PMEPA1: variants seen among roughly 807,000 people sequenced by gnomAD.
PMEPA1 encodes prostate transmembrane protein, androgen induced 1.
A neutral mutation model predicts 23.0 loss-of-function variants in PMEPA1; 11 were observed. The observed-to-expected ratio is 0.48, with a 90% CI of 0.30 to 0.79. PMEPA1 has a LOEUF of 0.79. Ranked by LOEUF, PMEPA1 falls within the 30% of genes least tolerant of loss-of-function variation. The pLI, the probability that PMEPA1 is intolerant of heterozygous loss-of-function variation, is 0.06. For synonymous variants in PMEPA1, 204 were observed against 166.4 expected (o/e 1.23, Z -1.74); for missense variants, 377 against 390.9 (o/e 0.96, Z 0.30).
intron 1 of PMEPA1, among the ~76,000 whole-genome samples, chr20:57,679,116 G>A (rs1422026628): frequency 6.6e-6 from 1 of 152,194 alleles, no homozygotes; most frequent in Admixed American, 6.5e-5. Context: ...TGAGCACCTA[G>A]GAGCGGGGAC....
chr20:57,669,784 A>C (rs997331202), intron 1 of PMEPA1, among the ~76,000 whole-genome samples: 1 of 152,112 alleles, frequency 6.6e-6, no homozygotes, highest in African/African-American at 2.4e-5. Context: ...TCGAGGAGGG[A>C]CCACAGACAC....
At chr20:57,675,685 G>A (rs1045334038) in intron 1 of PMEPA1, among the ~76,000 whole-genome samples, 2 of 152,226 alleles carry the variant, frequency 1.3e-5, no homozygotes, top group African/African-American at 2.4e-5. Flanking sequence ...AGCTCAGATG[G>A]GAAGGGCGAC....
At chr20:57,663,563 C>A (rs2071452695) in intron 1 of PMEPA1, among the ~76,000 whole-genome samples, 1 of 152,236 alleles carries the variant, frequency 6.6e-6, no homozygotes, top group Non-Finnish European at 1.5e-5. Context: ...CCAAACCCAT[C>A]CACCCTCAAA....
chr20:57,710,431 A>T (rs754229892), upstream of PMEPA1: 4 of 1,598,460 alleles, frequency 2.5e-6, no homozygotes, highest in Middle Eastern at 1.7e-4. Context: ...AATTGGAGAA[A>T]GGGGGAGGAA....
In PMEPA1 at chr20:57,709,709, G is replaced by A. The variant is rs1401782619; in HGVS notation, c.-127C>T. 8.2e-6 allele frequency: 8 copies of A among 977,950 alleles called. No homozygotes were observed. The highest frequency in any genetic ancestry group is 9.7e-6 in the Non-Finnish European group (8 of 826,972). The allele number at this position is 977,950 out of a possible 1,614,324, so 60.6% of individuals were successfully genotyped here. Reference sequence around the variant, plus strand: ...CGGCGGGGGAGGCGCGCCCCGGCTCGCCGGGCTCGGGTCGCCGCCAAGTTC... The same window carrying A: ...CGGCGGGGGAGGCGCGCCCCGGCTCACCGGGCTCGGGTCGCCGCCAAGTTC... On this transcript the variant is annotated 5_prime_UTR_variant, in exon 1 of 4. Transcript: ENST00000341744.
chr20:57,679,919 CAG>C (rs1487653932), intron 1 of PMEPA1, among the ~76,000 whole-genome samples: 12 of 152,318 alleles, frequency 7.9e-5, no homozygotes, highest in African/African-American at 2.9e-4. Context: ...CCCAGAGACA[CAG>C]AGCAACCGTG....
intron 1 of PMEPA1, among the ~76,000 whole-genome samples, chr20:57,679,458 T>C (rs1341531519): frequency 6.6e-6 from 1 of 152,184 alleles, no homozygotes; most frequent in Non-Finnish European, 1.5e-5. Context: ...AGTGTGACTC[T>C]CCAAACACGG....
In PMEPA1 at chr20:57,650,443, T is replaced by C; in HGVS notation, c.*1610A>G. 6.6e-6 allele frequency: 1 copy of C among 152,244 alleles called. No homozygotes were observed. Among genetic ancestry groups the C allele is most frequent in the Non-Finnish European group, 1.5e-5 (1 of 68,020 alleles). 9.4% of individuals were successfully genotyped at this position (152,244 alleles called of 1,614,324 possible). The stretch of plus-strand genomic sequence containing the variant: ...CAAAGCCCCACCCCTCATGCTCTCC[T>C]CTGGTCACCTCTATTTACGCTCACA... On this transcript the variant is annotated 3_prime_UTR_variant, in exon 4 of 4. Transcript: ENST00000341744.
At chr20:57,710,110 C>A (rs548504282), upstream of PMEPA1, 2 of 871,102 alleles carry the variant, frequency 2.3e-6, no homozygotes, top group Non-Finnish European at 2.8e-6. Flanking sequence ...CCCGCACCCC[C>A]TCCCCGAGCC....
chr20:57,701,268 C>T (rs1291298243), intron 1 of PMEPA1, among the ~76,000 whole-genome samples: 5 of 152,146 alleles, frequency 3.3e-5, no homozygotes, highest in Admixed American at 2.6e-4. Flanking sequence ...AGCTGCTTAG[C>T]TCGGTCCAGC....
intron 1 of PMEPA1, among the ~76,000 whole-genome samples, chr20:57,670,412 G>T (rs1056543202): frequency 2.8e-4 from 43 of 152,090 alleles, no homozygotes; most frequent in African/African-American, 9.9e-4. Flanking sequence ...ACTCATGCCC[G>T]CTGTCTAGAG....
chr20:57,659,798 G>A (rs1365482146), intron 1 of PMEPA1, 101 bp from the exon 2 acceptor site: 2 of 1,112,288 alleles, frequency 1.8e-6, no homozygotes, highest in Non-Finnish European at 2.6e-6. Context: ...AGGGGGACGA[G>A]AGTGCAACCC....
chr20:57,708,084 C>T (rs553183247), intron 1 of PMEPA1, among the ~76,000 whole-genome samples: 7 of 152,148 alleles, frequency 4.6e-5, no homozygotes, highest in South Asian at 2.1e-4. Flanking sequence ...CACCAAAGCC[C>T]GGCCAGCCTG....
chr20:57,655,501 G>C lies in PMEPA1; in HGVS notation c.265-2415C>G, dbSNP rs1268490506. 6.6e-6 allele frequency among the ~76,000 whole-genome samples: 1 copy of C among 152,334 alleles called. No homozygotes were observed. The highest frequency in any genetic ancestry group is 2.1e-4 in the South Asian group (1 of 4,824). Reference sequence around the variant, plus strand: ...TGCTACTTAAGTGCGGAAGTTGCTGGGTGACCCGTGCAAGTCATCTTTGTG... The same window carrying C: ...TGCTACTTAAGTGCGGAAGTTGCTGCGTGACCCGTGCAAGTCATCTTTGTG... On this transcript the variant is annotated intron_variant, in intron 2 of 3. Transcript: ENST00000341744. The surrounding 1 kb of genome is among the most constrained non-coding windows in gnomAD (Gnocchi z 4.2).
chr20:57,701,023 C>T (rs2072003936), intron 1 of PMEPA1, among the ~76,000 whole-genome samples: 2 of 150,504 alleles, frequency 1.3e-5, no homozygotes, highest in African/African-American at 2.5e-5. Flanking sequence ...GAGCAAGACT[C>T]CATTTCAAAA....
Position 57,709,994 on chromosome 20 carries a change from G to A in PMEPA1, c.-412C>T, listed in dbSNP as rs1193205355. On this transcript the variant is annotated 5_prime_UTR_variant, in exon 1 of 4. Transcript: ENST00000341744. ...CGGGTTTCGCTCCGAGACCGCGGTC[G>A]GAGGCAGGCAGACGGTCTGACGTCA... 2.0e-6 allele frequency: 2 copies of A among 991,410 alleles called. No homozygotes were observed. The highest frequency in any genetic ancestry group is 2.4e-6 in the Non-Finnish European group (2 of 834,046). 61.4% of individuals were successfully genotyped at this position (991,410 alleles called of 1,614,324 possible). A position where few individuals can be genotyped will look rare whatever the true frequency, so the allele number is the denominator to read the frequency against.
At chr20:57,684,861 G>C (rs949932419) in intron 1 of PMEPA1, among the ~76,000 whole-genome samples, 3 of 152,074 alleles carry the variant, frequency 2.0e-5, no homozygotes, top group Middle Eastern at 3.4e-3. Context: ...GAGCTGGGAG[G>C]GGGGGGTCTC....
intron 1 of PMEPA1, among the ~76,000 whole-genome samples, chr20:57,691,390 G>A (rs2071880111): frequency 1.3e-5 from 2 of 152,160 alleles, no homozygotes; most frequent in Non-Finnish European, 1.5e-5. Context: ...TGCAGGCTCT[G>A]AAAGAGGAGG....
At chr20:57,709,445 TC>T in intron 1 of PMEPA1, 28 bp downstream of exon 1, 1 of 1,091,212 alleles carries the variant, frequency 9.2e-7, no homozygotes, top group Non-Finnish European at 1.1e-6. Flanking sequence ...CGATGGAGTC[TC>T]CGGGGAGGGG....
Sources: allele counts gnomAD v4.1 joint callset (sites outside exome capture counted in the v4.1 genomes callset), GRCh38; gene constraint gnomAD v4.1.1; non-coding constraint Gnocchi (gnomAD v3.1); transcripts MANE v1.5; gene names NCBI Gene and HGNC (gene_info 2026-07-23, HGNC 2026-07-21).